ESCO1: variants seen among roughly 807,000 people sequenced by gnomAD.
ESCO1 encodes the protein N-acetyltransferase ESCO1.
In ESCO1, 33 loss-of-function variants were observed where a neutral mutation model predicts 83.5. That is an observed-to-expected ratio of 0.40 (90% CI 0.30 to 0.53). The LOEUF (loss-of-function observed/expected upper bound fraction) is 0.53, where lower values mean the gene tolerates loss of function less well. Among genes scored for constraint, ESCO1 ranks in the 20% least tolerant of loss-of-function variants. The pLI, the probability that ESCO1 is intolerant of heterozygous loss-of-function variation, is 0.63. For missense variants in ESCO1, 855 were observed against 968.0 expected (o/e 0.88, Z 1.55); for synonymous variants, 332 against 324.3 (o/e 1.02, Z -0.25).
chr18:21,588,852 C>T (rs1179717038), intron 1 of ESCO1, among the ~76,000 whole-genome samples: 2 of 152,080 alleles, frequency 1.3e-5, no homozygotes, highest in Non-Finnish European at 2.9e-5. Flanking sequence ...GATCGCACCA[C>T]TCCACTCCAA....
Position 21,597,509 on chromosome 18 carries a change from A to T in ESCO1, c.-825+3114T>A, listed in dbSNP as rs565664908. ...CCACTGTTACTAAAAAAAAAAAAAA[A>T]TTTAATTAAAATTAAAATGTTATTT... On this transcript the variant is annotated intron_variant, in intron 1 of 11. Coordinates refer to ENST00000269214, the MANE Select transcript of ESCO1 (RefSeq NM_052911.3). Among the ~76,000 whole-genome samples, 7 of 151,750 alleles carry T rather than the reference A, an allele frequency of 4.6e-5. No individual in the cohort carries two copies. In the East Asian group the frequency reaches 1.2e-3, roughly 25 times the overall value.
At chr18:21,590,903 T>C (rs1466554675) in intron 1 of ESCO1, among the ~76,000 whole-genome samples, 1 of 151,658 alleles carries the variant, frequency 6.6e-6, no homozygotes, top group East Asian at 1.9e-4. Flanking sequence ...CAAGATCTCA[T>C]TACTGCACTC....
rs372986074 is a variant in ESCO1, at chr18:21,574,435, G to C, written c.409C>G (p.Arg137Gly). The C allele has an allele frequency of 1.2e-6, 2 of 1,613,966 alleles. No homozygotes were observed. Among genetic ancestry groups the C allele is most frequent in the African/African-American group, 1.3e-5 (1 of 74,914 alleles). ...QLTEVSRRSL[R>G]SREIQGQVQA... ...ACTTGACCCTGAATTTCTCTACTGC[G>C]TAACGACCTTCTTGAAACCTCTGTT... Residue 137 changes from arginine (R) to glycine (G), a missense_variant, in exon 4 of 12, where the codon CGC (arginine) becomes GGC (glycine). By Grantham distance (125) the Arg-to-Gly change is moderately radical. Coordinates refer to ENST00000269214, the MANE Select transcript of ESCO1 (RefSeq NM_052911.3).
At chr18:21,542,415 C>T (rs2037918200) in intron 8 of ESCO1, among the ~76,000 whole-genome samples, 1 of 152,134 alleles carries the variant, frequency 6.6e-6, no homozygotes, top group Admixed American at 6.6e-5. Context: ...GGTTTAGATC[C>T]TTGTTCTTGG....
chr18:21,539,787 G>A, intron 9 of ESCO1, 133 bp downstream of exon 9: 1 of 639,678 alleles, frequency 1.6e-6, no homozygotes, highest in Non-Finnish European at 2.7e-6. Context: ...GACAGAGGTT[G>A]CAGTGAGCCG....
At chr18:21,547,741 A>G (rs1002590699) in intron 8 of ESCO1, among the ~76,000 whole-genome samples, 1 of 152,234 alleles carries the variant, frequency 6.6e-6, no homozygotes, top group Admixed American at 6.5e-5. Context: ...AAGTGTTAAA[A>G]TAGTTTTAGG....
intron 1 of ESCO1, among the ~76,000 whole-genome samples, chr18:21,592,791 A>C (rs2038698363): frequency 6.9e-6 from 1 of 145,702 alleles, no homozygotes; most frequent in South Asian, 2.2e-4. Context: ...CTCACTTCTC[A>C]GACGGGGCGG....
chr18:21,533,176 A>T (rs900344414), intron 10 of ESCO1, among the ~76,000 whole-genome samples: 2 of 149,920 alleles, frequency 1.3e-5, no homozygotes, highest in Non-Finnish European at 3.0e-5. Flanking sequence ...CAATCTCTTT[A>T]AAAAAAAAAT....
intron 1 of ESCO1, among the ~76,000 whole-genome samples, chr18:21,587,304 C>G (rs1304419693): frequency 6.6e-6 from 1 of 152,124 alleles, no homozygotes; most frequent in East Asian, 1.9e-4. Context: ...CCCTCCTTTT[C>G]TATTTTTTGA....
intron 1 of ESCO1, among the ~76,000 whole-genome samples, chr18:21,594,875 GTTTAA>G (rs1338644822): frequency 4.0e-5 from 6 of 150,812 alleles, no homozygotes; most frequent in South Asian, 2.1e-4. Flanking sequence ...ACAAGTATTT[GTTTAA>G]TTTAACAACT....
At position 21,573,478 on chromosome 18, in the gene ESCO1, T is replaced by G. The variant is rs1315486850; in HGVS notation, c.1366A>C (p.Lys456Gln). 7.4e-6 allele frequency: 12 copies of G among 1,611,854 alleles called. No individual in the cohort carries two copies. The highest frequency in any genetic ancestry group is 1.3e-5 in the African/African-American group (1 of 74,718). ...RNITCQQEKMKEINSEEVKIN... is the reference protein window; with the variant it reads ...RNITCQQEKMQEINSEEVKIN... ...TTCACTTCTTCAGAATTAATTTCTT[T>G]CATTTTTTCCTGCTGGCAAGTTATA... Residue 456 changes from lysine (K) to glutamine (Q), a missense_variant, in exon 4 of 12, where the codon AAA becomes CAA. Physicochemically the swap from Lys to Gln is moderately conservative, Grantham distance 53. Coordinates refer to ENST00000269214, the MANE Select transcript of ESCO1 (RefSeq NM_052911.3).
intron 1 of ESCO1, among the ~76,000 whole-genome samples, chr18:21,592,753 A>G (rs1392137138): frequency 1.3e-5 from 2 of 149,708 alleles, no homozygotes; most frequent in Non-Finnish European, 3.0e-5. Flanking sequence ...CACTTCTCAG[A>G]CGGGGCGGCT....
Position 21,530,134 on chromosome 18 carries a change from C to T in ESCO1, c.*209G>A. 2.6e-6 allele frequency: 1 copy of T among 389,640 alleles called. No homozygotes were observed. Among genetic ancestry groups the T allele is most frequent in the Admixed American group, 4.4e-5 (1 of 22,628 alleles). 24.1% of individuals were successfully genotyped at this position (389,640 alleles called of 1,614,324 possible). A position where few individuals can be genotyped will look rare whatever the true frequency, so the allele number is the denominator to read the frequency against. ...GATAAAATACATCAATCATAAATTT[C>T]TGTAAAAGATAATAAAATATCTTCT... On this transcript the variant is annotated 3_prime_UTR_variant, in exon 12 of 12. Coordinates refer to ENST00000269214, the MANE Select transcript of ESCO1 (RefSeq NM_052911.3).
intron 5 of ESCO1, 131 bp from the exon 6 acceptor site, chr18:21,566,337 C>G: frequency 1.3e-6 from 1 of 783,274 alleles, no homozygotes; most frequent in Admixed American, 2.7e-5. Context: ...TAAAGACCAT[C>G]TGATAAAATT....
At chr18:21,575,458 T>G (rs2038407207) in intron 3 of ESCO1, 28 bp from the exon 4 acceptor site, 1 of 398,138 alleles carries the variant, frequency 2.5e-6, no homozygotes, top group African/African-American at 2.1e-5. Flanking sequence ...AAAAATAAAG[T>G]TTTGTACAAT....
chr18:21,553,234 G>A (rs1170723699), intron 8 of ESCO1, among the ~76,000 whole-genome samples: 1 of 151,946 alleles, frequency 6.6e-6, no homozygotes, highest in East Asian at 1.9e-4. Context: ...AGGATAGAGT[G>A]AGCAGTGATC....
intron 8 of ESCO1, among the ~76,000 whole-genome samples, chr18:21,546,643 C>T (rs1169956673): frequency 6.6e-6 from 1 of 152,138 alleles, no homozygotes; most frequent in East Asian, 1.9e-4. Flanking sequence ...GCCTCCTAGG[C>T]TCAAGCAACT....
chr18:21,588,348 G>A (rs554678684), intron 1 of ESCO1, among the ~76,000 whole-genome samples: 1 of 151,988 alleles, frequency 6.6e-6, no homozygotes, highest in South Asian at 2.1e-4. Context: ...TATCACATGG[G>A]GGAAAAATGA....
At chr18:21,559,873 G>A (rs913278238) in intron 8 of ESCO1, among the ~76,000 whole-genome samples, 3 of 152,110 alleles carry the variant, frequency 2.0e-5, no homozygotes, top group African/African-American at 7.2e-5. Context: ...CACAGGTAGA[G>A]AACCAAAAAA....
Sources: allele counts gnomAD v4.1 joint callset (sites outside exome capture counted in the v4.1 genomes callset), GRCh38; gene constraint gnomAD v4.1.1; transcripts MANE v1.5; gene names NCBI Gene and HGNC (gene_info 2026-07-23, HGNC 2026-07-21).